The following STX8 variants were observed in gnomAD, a reference collection of about 807,000 sequenced individuals.
The protein encoded by STX8 is syntaxin-8.
In STX8, 23 loss-of-function variants were observed where a neutral mutation model predicts 37.5. The ratio of observed to expected loss-of-function variants is 0.61; its 90% confidence interval spans 0.44 to 0.87. The LOEUF is 0.87. Among genes scored for constraint, STX8 ranks in the 40% least tolerant of loss-of-function variants. The pLI is 0.00. For missense variants in STX8, 313 were observed against 284.7 expected (o/e 1.10, Z -0.71); for synonymous variants, 115 against 99.1 (o/e 1.16, Z -0.95).
intron 7 of STX8, among the ~76,000 whole-genome samples, chr17:9,366,596 C>T (rs569499638): frequency 1.2e-4 from 18 of 152,276 alleles, no homozygotes; most frequent in South Asian, 8.3e-4. Flanking sequence ...ATGCTATATA[C>T]GTATGTAAGA....
intron 7 of STX8, among the ~76,000 whole-genome samples, chr17:9,257,114 C>CT (rs1427495440): frequency 6.6e-6 from 1 of 152,174 alleles, no homozygotes; most frequent in Non-Finnish European, 1.5e-5. Context: ...TCAAGAGTCC[C>CT]TTTCAGGGGC....
intron 4 of STX8, among the ~76,000 whole-genome samples, chr17:9,541,772 A>G (rs1157799271): frequency 6.6e-6 from 1 of 152,222 alleles, no homozygotes; most frequent in Non-Finnish European, 1.5e-5. Context: ...GGGGCATTAT[A>G]AAGAGCTCCT....
chr17:9,340,858 T>C (rs562949560), intron 7 of STX8, among the ~76,000 whole-genome samples: 39 of 150,556 alleles, frequency 2.6e-4, no homozygotes, highest in South Asian at 2.1e-3. Context: ...GGTTTCTCCA[T>C]GTTGGTTAGG....
intron 6 of STX8, among the ~76,000 whole-genome samples, chr17:9,387,851 T>C (rs1292409022): frequency 6.6e-6 from 1 of 152,208 alleles, no homozygotes; most frequent in Non-Finnish European, 1.5e-5. Context: ...TGTCGGATGT[T>C]ATATGTTAAC....
intron 7 of STX8, among the ~76,000 whole-genome samples, chr17:9,252,937 C>T (rs1386957024): frequency 1.4e-5 from 2 of 143,054 alleles, no homozygotes; most frequent in Admixed American, 7.0e-5. Flanking sequence ...GATGTGACAC[C>T]GTCTGTGGTC....
At chr17:9,298,046 C>G (rs1172860571) in intron 7 of STX8, among the ~76,000 whole-genome samples, 2 of 152,120 alleles carry the variant, frequency 1.3e-5, no homozygotes, top group African/African-American at 4.8e-5. Context: ...AAGTGTCTTC[C>G]CCAAACAGCT....
intron 6 of STX8, among the ~76,000 whole-genome samples, chr17:9,383,874 A>G (rs1027301788): frequency 6.6e-6 from 1 of 152,236 alleles, no homozygotes; most frequent in Non-Finnish European, 1.5e-5. Flanking sequence ...ATCAAAAGCC[A>G]TATTACATAC....
intron 7 of STX8, among the ~76,000 whole-genome samples, chr17:9,332,953 G>A (rs933798372): frequency 6.6e-6 from 1 of 152,110 alleles, no homozygotes; most frequent in African/African-American, 2.4e-5. Context: ...CAGCTGCCAC[G>A]CCCAAGGGCT....
chr17:9,412,299 G>A (rs1913007579), intron 6 of STX8, among the ~76,000 whole-genome samples: 1 of 144,534 alleles, frequency 6.9e-6, no homozygotes, highest in Non-Finnish European at 1.5e-5. Flanking sequence ...TTTTTTTTGA[G>A]ACGGAGTTTT....
chr17:9,481,068 TAG>T (rs1906318836), intron 6 of STX8, among the ~76,000 whole-genome samples: 1 of 152,116 alleles, frequency 6.6e-6, no homozygotes, highest in Admixed American at 6.5e-5. Context: ...GTATTTTTAG[TAG>T]AGACAGGTTT....
chr17:9,550,308 G>C (rs981247819), intron 3 of STX8, among the ~76,000 whole-genome samples: 1 of 151,902 alleles, frequency 6.6e-6, no homozygotes, highest in Non-Finnish European at 1.5e-5. Flanking sequence ...AATAGCCAAG[G>C]AAGAAGATAA....
intron 6 of STX8, among the ~76,000 whole-genome samples, chr17:9,446,561 C>T (rs1904859128): frequency 6.6e-6 from 1 of 152,014 alleles, no homozygotes; most frequent in African/African-American, 2.4e-5. Context: ...TTCCTTTTCA[C>T]GGGAGTGCTA....
At chr17:9,480,024 A>G (rs1164703677) in intron 6 of STX8, among the ~76,000 whole-genome samples, 1 of 152,104 alleles carries the variant, frequency 6.6e-6, no homozygotes, top group Non-Finnish European at 1.5e-5. Context: ...ATCCTTTTCA[A>G]TCTGTTCAAA....
At chr17:9,365,712 G>A (rs886853332) in intron 7 of STX8, among the ~76,000 whole-genome samples, 22 of 152,376 alleles carry the variant, frequency 1.4e-4, no homozygotes, top group Non-Finnish European at 2.5e-4. Flanking sequence ...GGTGGCTCAC[G>A]CCTGTAATCC....
intron 7 of STX8, among the ~76,000 whole-genome samples, chr17:9,262,825 C>G (rs1597571065): frequency 6.6e-6 from 1 of 152,094 alleles, no homozygotes; most frequent in East Asian, 1.9e-4. Context: ...TGTGATCCAC[C>G]TGCCTCCCAA....
intron 7 of STX8, among the ~76,000 whole-genome samples, chr17:9,303,963 T>G (rs1327164619): frequency 6.6e-6 from 1 of 151,906 alleles, no homozygotes; most frequent in Non-Finnish European, 1.5e-5. Context: ...AATTAGAAAC[T>G]TTTCATGACA....
At chr17:9,395,840 C>A (rs1383225801) in intron 6 of STX8, among the ~76,000 whole-genome samples, 1 of 152,118 alleles carries the variant, frequency 6.6e-6, no homozygotes, top group Non-Finnish European at 1.5e-5. Flanking sequence ...TAGCCAGACA[C>A]AATTAGTCCT....
chr17:9,254,844 C>T (rs548745733), intron 7 of STX8, among the ~76,000 whole-genome samples: 3 of 152,062 alleles, frequency 2.0e-5, no homozygotes, highest in East Asian at 1.9e-4. Flanking sequence ...CACACGCGCA[C>T]GTGTGTGCAT....
At chr17:9,319,560 A>C (rs1909502380) in intron 7 of STX8, among the ~76,000 whole-genome samples, 1 of 152,242 alleles carries the variant, frequency 6.6e-6, no homozygotes, top group Non-Finnish European at 1.5e-5. Context: ...CAAGATTTAC[A>C]GTCATATCCC....
Sources: allele counts gnomAD v4.1 joint callset (sites outside exome capture counted in the v4.1 genomes callset), GRCh38; gene constraint gnomAD v4.1.1; transcripts MANE v1.5; gene names NCBI Gene and HGNC (gene_info 2026-07-23, HGNC 2026-07-21).